PITPNC1: variants seen among roughly 807,000 people sequenced by gnomAD.
The protein encoded by PITPNC1 is cytoplasmic phosphatidylinositol transfer protein 1.
Under a neutral mutation model 44.7 loss-of-function variants are expected in PITPNC1, and 18 were observed. That is an observed-to-expected ratio of 0.40 (90% CI 0.28 to 0.60). The LOEUF (loss-of-function observed/expected upper bound fraction) is 0.60. Ranked by LOEUF, PITPNC1 falls within the 20% of genes least tolerant of loss-of-function variation. The pLI is 0.39. For missense variants in PITPNC1, 290 were observed against 418.4 expected (o/e 0.69, Z 2.68); for synonymous variants, 141 against 149.6 (o/e 0.94, Z 0.42).
chr17:67,473,495 A>T (rs1010762303), intron 1 of PITPNC1, among the ~76,000 whole-genome samples: 20 of 151,300 alleles, frequency 1.3e-4, no homozygotes, highest in African/African-American at 4.6e-4. Context: ...CATCCGGCTA[A>T]TTTTTTTGTA....
At chr17:67,600,321 A>T (rs962335404) in intron 5 of PITPNC1, among the ~76,000 whole-genome samples, 1 of 152,324 alleles carries the variant, frequency 6.6e-6, no homozygotes, top group East Asian at 1.9e-4. Context: ...CAAATCTAAC[A>T]TTAATGAAGA....
At chr17:67,532,703 G>T in intron 1 of PITPNC1, 99 bp from the exon 2 acceptor site, 1 of 876,358 alleles carries the variant, frequency 1.1e-6, no homozygotes, top group South Asian at 1.8e-5. Flanking sequence ...CTCAGCAGAA[G>T]GTGCTGATGT....
At chr17:67,524,102 G>A (rs974759406) in intron 1 of PITPNC1, among the ~76,000 whole-genome samples, 4 of 152,130 alleles carry the variant, frequency 2.6e-5, no homozygotes, top group Admixed American at 6.5e-5. Context: ...GAGCCACTGC[G>A]CCCAGCCTAA....
intron 1 of PITPNC1, among the ~76,000 whole-genome samples, chr17:67,509,844 T>C (rs2040158318): frequency 6.6e-6 from 1 of 152,174 alleles, no homozygotes; most frequent in Non-Finnish European, 1.5e-5. Context: ...TGGGGGAATT[T>C]TGGGTCAATT....
intron 1 of PITPNC1, among the ~76,000 whole-genome samples, chr17:67,417,057 G>C (rs1354776805): frequency 6.6e-6 from 1 of 151,234 alleles, no homozygotes; most frequent in Non-Finnish European, 1.5e-5. Flanking sequence ...CAGGTGATCC[G>C]ACCGCCTCAG....
At chr17:67,453,861 C>T (rs2039218350) in intron 1 of PITPNC1, among the ~76,000 whole-genome samples, 1 of 152,208 alleles carries the variant, frequency 6.6e-6, no homozygotes, top group Non-Finnish European at 1.5e-5. Context: ...CTCTGATATG[C>T]AGTGGTCTTC....
chr17:67,521,443 T>C (rs1395708148), intron 1 of PITPNC1, among the ~76,000 whole-genome samples: 1 of 152,228 alleles, frequency 6.6e-6, no homozygotes, highest in Non-Finnish European at 1.5e-5. Context: ...TATGTGATGA[T>C]GCACTGATAT....
intron 5 of PITPNC1, among the ~76,000 whole-genome samples, chr17:67,620,629 G>A (rs1000746266): frequency 2.0e-5 from 3 of 151,926 alleles, no homozygotes; most frequent in Non-Finnish European, 4.4e-5. Flanking sequence ...TGCTGGCTCT[G>A]GAAAAACAAT....
chr17:67,499,367 A>G (rs1333879015), intron 1 of PITPNC1, among the ~76,000 whole-genome samples: 1 of 151,790 alleles, frequency 6.6e-6, no homozygotes, highest in Non-Finnish European at 1.5e-5. Context: ...GGCAAGTGCC[A>G]CCATGCCCGT....
At chr17:67,563,412 C>G (rs938187451) in intron 4 of PITPNC1, among the ~76,000 whole-genome samples, 1 of 152,216 alleles carries the variant, frequency 6.6e-6, no homozygotes, top group African/African-American at 2.4e-5. Flanking sequence ...AATACTTCAT[C>G]AACCCCAAGC....
chr17:67,587,324 CAA>C (rs530075213), intron 5 of PITPNC1, among the ~76,000 whole-genome samples: 1 of 103,134 alleles, frequency 9.7e-6, no homozygotes, highest in East Asian at 2.6e-4. Context: ...CCCATCTCTA[CAA>C]AAAAAAAAAA....
chr17:67,621,164 A>T (rs2041823770), intron 5 of PITPNC1, among the ~76,000 whole-genome samples: 1 of 106,850 alleles, frequency 9.4e-6, no homozygotes, highest in African/African-American at 3.0e-5. Flanking sequence ...CTACTAGAGT[A>T]CTCTTGTCTG....
chr17:67,687,361 C>T (rs1002811060), intron 8 of PITPNC1, among the ~76,000 whole-genome samples: 2 of 152,164 alleles, frequency 1.3e-5, no homozygotes, highest in African/African-American at 4.8e-5. Context: ...CTCTCTCTTC[C>T]AGACATTTCG....
At chr17:67,414,426 T>A (rs2038555655) in intron 1 of PITPNC1, among the ~76,000 whole-genome samples, 1 of 152,066 alleles carries the variant, frequency 6.6e-6, no homozygotes, top group Non-Finnish European at 1.5e-5. Flanking sequence ...TTATGCCGAA[T>A]GAAAAAAGCC....
intron 6 of PITPNC1, among the ~76,000 whole-genome samples, chr17:67,643,086 G>A (rs550620228): frequency 3.3e-5 from 5 of 152,252 alleles, no homozygotes; most frequent in South Asian, 2.1e-4. Flanking sequence ...GTGGCATTGT[G>A]GGTCATTGAA....
chr17:67,658,370 G>T (rs1021126368), intron 6 of PITPNC1, among the ~76,000 whole-genome samples: 12 of 152,100 alleles, frequency 7.9e-5, no homozygotes, highest in African/African-American at 2.9e-4. Context: ...CTTTTGAGTG[G>T]TATCTTCACT....
At chr17:67,530,933 C>T (rs1346728302) in intron 1 of PITPNC1, among the ~76,000 whole-genome samples, 2 of 152,144 alleles carry the variant, frequency 1.3e-5, no homozygotes, top group East Asian at 1.9e-4. Context: ...GCTTCTGATC[C>T]TAAAATTAAT....
At chr17:67,622,291 G>A (rs2041841897) in intron 5 of PITPNC1, among the ~76,000 whole-genome samples, 1 of 149,572 alleles carries the variant, frequency 6.7e-6, no homozygotes, top group South Asian at 2.1e-4. Context: ...TAGTGGTTTT[G>A]AAGAGACCCA....
intron 6 of PITPNC1, among the ~76,000 whole-genome samples, chr17:67,640,766 G>GGCCGAGGCAGGCAA (rs2042084717): frequency 1.3e-5 from 2 of 151,414 alleles, no homozygotes; most frequent in Admixed American, 1.3e-4. Flanking sequence ...GAGGCAGGCA[G>GGCCGAGGCAGGCAA]ATTGCCTGAG....
Sources: gnomAD v4.1 joint callset for allele counts (sites outside exome capture counted in the v4.1 genomes callset) on GRCh38, gnomAD v4.1.1 for gene constraint, MANE v1.5 for transcripts, NCBI Gene and HGNC (gene_info 2026-07-23, HGNC 2026-07-21) for gene names.